Variants in ACVR1 observed in about 807,000 individuals in gnomAD.
The protein encoded by ACVR1 is activin A receptor type 1, also known as activin receptor type-1.
In ACVR1, 38 loss-of-function variants were observed where a neutral mutation model predicts 57.1. The observed-to-expected ratio is 0.67, with a 90% CI of 0.51 to 0.87. The LOEUF (loss-of-function observed/expected upper bound fraction) is 0.87, where lower values mean the gene tolerates loss of function less well. ACVR1 is among the 40% of genes least tolerant of loss of function. The pLI is 0.00. For synonymous variants in ACVR1, 212 were observed against 228.1 expected, an observed-to-expected ratio of 0.93 and a Z score of 0.63; for missense variants, 463 against 638.2, an observed-to-expected ratio of 0.73 and a Z score of 2.96.
At chr2:157,822,869 G>GC (rs1344202482) in intron 1 of ACVR1, among the ~76,000 whole-genome samples, 2 of 152,104 alleles carry the variant, frequency 1.3e-5, no homozygotes, top group Non-Finnish European at 2.9e-5. Context: ...GTTGACCACT[G>GC]CAATAACCTA....
At chr2:157,826,845 A>G in intron 1 of ACVR1, among the ~76,000 whole-genome samples, 1 of 138,296 alleles carries the variant, frequency 7.2e-6, no homozygotes, top group Non-Finnish European at 1.6e-5. Flanking sequence ...GGAGAGGGGA[A>G]AAGGAAAAGA....
intron 8 of ACVR1, among the ~76,000 whole-genome samples, chr2:157,763,790 G>A (rs1347898171): frequency 6.6e-6 from 1 of 152,074 alleles, no homozygotes; most frequent in Non-Finnish European, 1.5e-5. Context: ...TAATTGCTAG[G>A]TATATACTGG....
chr2:157,814,823 C>T (rs1687874843), intron 2 of ACVR1, among the ~76,000 whole-genome samples: 1 of 152,222 alleles, frequency 6.6e-6, no homozygotes, highest in Admixed American at 6.5e-5. Flanking sequence ...GTGGGTCACA[C>T]CTGTAATCCC....
chr2:157,754,003 A>G (rs1401045261), intron 9 of ACVR1, among the ~76,000 whole-genome samples: 1 of 152,232 alleles, frequency 6.6e-6, no homozygotes, highest in Non-Finnish European at 1.5e-5. Flanking sequence ...CCTGCTCCTC[A>G]ATGATCACTG....
At chr2:157,871,329 G>C (rs963429574) in intron 1 of ACVR1, among the ~76,000 whole-genome samples, 2 of 152,264 alleles carry the variant, frequency 1.3e-5, no homozygotes, top group Non-Finnish European at 2.9e-5. Context: ...GAAGAATCTG[G>C]GTCCCCCAAA....
rs1209517788 is a variant in ACVR1, at chr2:157,770,352, T to G, written c.790+16A>C. 6.2e-7 allele frequency: 1 copy of G among 1,613,466 alleles called. No individual in the cohort carries two copies. Among genetic ancestry groups the G allele is most frequent in the Non-Finnish European group, 8.5e-7 (1 of 1,179,662 alleles). On this transcript the variant is annotated intron_variant, in intron 7 of 10. Transcript: ENST00000434821. ...TCCCTAGATACAATTAATGAGGGGG[T>G]TATCCTTGTACTTACCTAAGATATT...
At position 157,765,922 on chromosome 2, in the gene ACVR1, C is replaced by G. The variant is rs1397562603; in HGVS notation, c.1065G>C (p.Leu355Phe). Residue 355 changes from leucine to phenylalanine, a missense_variant and splice_region_variant, in exon 8 of 11, where the codon TTG becomes TTC. Physicochemically the swap from Leu to Phe is conservative, Grantham distance 22. Around this residue, in one of 3 missense-constraint regions of ACVR1, gnomAD observed 114 missense variants for 216.2 expected, o/e 0.53. Coordinates refer to ENST00000434821, the MANE Select transcript of ACVR1 (RefSeq NM_001111067.4). ...KKNGQCCIAD[L>F]GLAVMHSQST... is the part of the protein sequence containing the mutation. ...AAAAAAATATTTTTAGAAATTTACC[C>G]AAATCTGCTATGCAACACTGTCCAT... 6.2e-7 allele frequency: 1 copy of G among 1,613,838 alleles called. No individual in the cohort carries two copies. The highest frequency in any genetic ancestry group is 1.1e-5 in the South Asian group (1 of 91,036).
intron 1 of ACVR1, among the ~76,000 whole-genome samples, chr2:157,822,920 C>T (rs904244577): frequency 1.3e-5 from 2 of 152,200 alleles, no homozygotes; most frequent in Admixed American, 6.5e-5. Flanking sequence ...TACACAGATT[C>T]GTATGTTGAA....
intron 2 of ACVR1, among the ~76,000 whole-genome samples, chr2:157,809,676 A>G (rs1687682445): frequency 6.6e-6 from 1 of 152,232 alleles, no homozygotes; most frequent in African/African-American, 2.4e-5. Context: ...AATGCACTCT[A>G]TGAAGTAGGG....
chr2:157,783,996 A>G (rs1359861098), intron 3 of ACVR1, among the ~76,000 whole-genome samples: 1 of 152,206 alleles, frequency 6.6e-6, no homozygotes, highest in Non-Finnish European at 1.5e-5. Context: ...GAGTAGATGG[A>G]AGTATTTTCT....
At chr2:157,846,364 T>G (rs1574141764) in intron 1 of ACVR1, among the ~76,000 whole-genome samples, 1 of 152,228 alleles carries the variant, frequency 6.6e-6, no homozygotes, top group South Asian at 2.1e-4. Flanking sequence ...AAACTGAGTT[T>G]AATGTTTTCC....
intron 1 of ACVR1, among the ~76,000 whole-genome samples, chr2:157,825,297 A>AT (rs1194986778): frequency 6.6e-6 from 1 of 151,534 alleles, no homozygotes; most frequent in Non-Finnish European, 1.5e-5. Context: ...ATTCTCCTTC[A>AT]TTTTTTTCAA....
chr2:157,751,643 T>C (rs184397617), intron 9 of ACVR1, among the ~76,000 whole-genome samples: 27 of 152,308 alleles, frequency 1.8e-4, no homozygotes, highest in Admixed American at 8.5e-4. Flanking sequence ...GACAGGCCTT[T>C]TGGGTTGTGT....
chr2:157,814,886 C>T (rs1278324793), intron 2 of ACVR1, among the ~76,000 whole-genome samples: 1 of 152,132 alleles, frequency 6.6e-6, no homozygotes, highest in African/African-American at 2.4e-5. Flanking sequence ...GAGATCGTGA[C>T]CATCCTGGCT....
chr2:157,787,728 G>A (rs909913290), intron 3 of ACVR1, among the ~76,000 whole-genome samples: 65 of 152,160 alleles, frequency 4.3e-4, no homozygotes, highest in Non-Finnish European at 2.8e-4. Context: ...ACCAGAGAGT[G>A]TATGGCATTT....
intron 10 of ACVR1, 87 bp from the exon 11 acceptor site, chr2:157,737,752 G>C: frequency 6.5e-7 from 1 of 1,542,540 alleles, no homozygotes; most frequent in Non-Finnish European, 9.0e-7. Context: ...CTACTATTCT[G>C]AAGAACTCGC....
intron 6 of ACVR1, among the ~76,000 whole-genome samples, chr2:157,772,725 A>G (rs1189067356): frequency 2.6e-5 from 4 of 152,230 alleles, no homozygotes; most frequent in African/African-American, 9.6e-5. Flanking sequence ...ATCAAATAAG[A>G]TACTAGTTAG....
At chr2:157,845,521 A>G (rs1043241312) in intron 1 of ACVR1, among the ~76,000 whole-genome samples, 1 of 152,238 alleles carries the variant, frequency 6.6e-6, no homozygotes, top group Non-Finnish European at 1.5e-5. Flanking sequence ...CAGTTAGAGC[A>G]TAACTCTACT....
At position 157,737,388 on chromosome 2, in the gene ACVR1, G is replaced by A. The variant is rs779415845; in HGVS notation, c.*143C>T. 140 of 1,080,876 alleles carry A rather than the reference G, an allele frequency of 1.3e-4. 1 individual carries two copies. The highest frequency in any genetic ancestry group is 1.8e-4 in the Non-Finnish European group (132 of 731,804). The allele number at this position is 1,080,876 out of a possible 1,614,324, so 67.0% of individuals were successfully genotyped here. On this transcript the variant is annotated 3_prime_UTR_variant, in exon 11 of 11. Transcript: ENST00000434821. The stretch of plus-strand genomic sequence containing the variant: ...TTTGATGTCTCCCCAACACATGGCT[G>A]GGTACGACGTCTGCCTTGTCAAAGC...
Sources: allele counts gnomAD v4.1 joint callset (sites outside exome capture counted in the v4.1 genomes callset), GRCh38; gene constraint gnomAD v4.1.1; regional missense constraint gnomAD v4.1.1; transcripts MANE v1.5; gene names NCBI Gene and HGNC (gene_info 2026-07-23, HGNC 2026-07-21).